FBLN5: variants seen among roughly 807,000 people sequenced by gnomAD.
FBLN5 encodes fibulin-5.
A neutral mutation model predicts 61.6 loss-of-function variants in FBLN5; 24 were observed. The observed-to-expected ratio is 0.39, with a 90% CI of 0.28 to 0.55. The LOEUF (loss-of-function observed/expected upper bound fraction) is 0.55, where lower values mean the gene tolerates loss of function less well. FBLN5 is among the 20% of genes least tolerant of loss of function. FBLN5 has a pLI of 0.65. For missense variants in FBLN5, 470 were observed against 594.1 expected, an observed-to-expected ratio of 0.79 and a Z score of 2.17; for synonymous variants, 213 against 219.8, an observed-to-expected ratio of 0.97 and a Z score of 0.27.
chr14:91,917,984 C>G (rs551873401), intron 4 of FBLN5, among the ~76,000 whole-genome samples: 11 of 152,272 alleles, frequency 7.2e-5, no homozygotes, highest in African/African-American at 2.6e-4. Context: ...AAGGACTAAG[C>G]CTCCCTCTGA....
intron 6 of FBLN5, among the ~76,000 whole-genome samples, chr14:91,887,902 G>T (rs1221184610): frequency 2.6e-5 from 4 of 152,206 alleles, no homozygotes; most frequent in Non-Finnish European, 5.9e-5. Context: ...CCATTATCTT[G>T]AGTGTGGTGG....
chr14:91,920,964 A>C (rs1356048322), intron 4 of FBLN5, among the ~76,000 whole-genome samples: 1 of 152,212 alleles, frequency 6.6e-6, no homozygotes, highest in Non-Finnish European at 1.5e-5. Flanking sequence ...TGTTCTTCTG[A>C]AGCCAAAGGC....
intron 1 of FBLN5, among the ~76,000 whole-genome samples, chr14:91,944,955 G>A (rs1260261313): frequency 2.0e-5 from 3 of 152,226 alleles, no homozygotes; most frequent in Admixed American, 6.5e-5. Flanking sequence ...ATCAGGCTGG[G>A]CATGGTGGCT....
At chr14:91,892,169 C>T (rs138490092) in intron 5 of FBLN5, among the ~76,000 whole-genome samples, 1 of 152,324 alleles carries the variant, frequency 6.6e-6, no homozygotes, top group African/African-American at 2.4e-5. Flanking sequence ...CACTTCTCAA[C>T]ACCCCAAGCT....
chr14:91,940,461 T>G, intron 3 of FBLN5, 104 bp downstream of exon 3: 1 of 958,572 alleles, frequency 1.0e-6, no homozygotes, highest in Admixed American at 1.8e-5. Flanking sequence ...CACTGTATTC[T>G]CCCATGGGCA....
chr14:91,942,737 C>T (rs1261449279), intron 2 of FBLN5, among the ~76,000 whole-genome samples, 170 bp downstream of exon 2: 2 of 152,160 alleles, frequency 1.3e-5, no homozygotes, highest in Non-Finnish European at 2.9e-5. Context: ...GGCCAAGTCT[C>T]ACTTTCTCTG....
At chr14:91,918,318 A>G (rs2055661866) in intron 4 of FBLN5, among the ~76,000 whole-genome samples, 1 of 152,240 alleles carries the variant, frequency 6.6e-6, no homozygotes, top group South Asian at 2.1e-4. Context: ...ATTTGTGGGA[A>G]GGACCCCAGC....
chr14:91,946,805 A>T, intron 1 of FBLN5: 1 of 1,535,052 alleles, frequency 6.5e-7, no homozygotes, highest in Non-Finnish European at 8.7e-7. Context: ...CGCGGTGTTC[A>T]GCTAGCCTGT....
chr14:91,901,235 C>G (rs1890437426), intron 4 of FBLN5, among the ~76,000 whole-genome samples: 2 of 152,168 alleles, frequency 1.3e-5, no homozygotes, highest in African/African-American at 4.8e-5. Context: ...CAGGCAAGGT[C>G]TGACTTTGTG....
intron 8 of FBLN5, 87 bp from the exon 9 acceptor site, chr14:91,881,505 C>T (rs1316324795): frequency 1.4e-6 from 2 of 1,424,960 alleles, no homozygotes; most frequent in Non-Finnish European, 2.0e-6. Flanking sequence ...GATCTTACTA[C>T]AGAGCTGTAC....
At chr14:91,946,155 C>G (rs577912645) in intron 1 of FBLN5, among the ~76,000 whole-genome samples, 5 of 152,146 alleles carry the variant, frequency 3.3e-5, no homozygotes, top group Admixed American at 1.3e-4. Context: ...TCAAGCCCAG[C>G]CTCTTGGAAG....
chr14:91,925,698 C>T (rs548334763), intron 4 of FBLN5, among the ~76,000 whole-genome samples: 160 of 152,326 alleles, frequency 1.1e-3, no homozygotes, highest in African/African-American at 3.7e-3. Context: ...ACGTGGGTTT[C>T]TTTGCAAGTT....
intron 9 of FBLN5, among the ~76,000 whole-genome samples, chr14:91,879,488 T>C (rs572157013): frequency 7.2e-4 from 110 of 152,186 alleles, no homozygotes; most frequent in Middle Eastern, 3.4e-3. Flanking sequence ...TCACGGAGCA[T>C]TGTCAGCGTC....
intron 4 of FBLN5, among the ~76,000 whole-genome samples, chr14:91,898,233 C>T (rs1039945601): frequency 6.6e-6 from 1 of 151,980 alleles, no homozygotes; most frequent in Non-Finnish European, 1.5e-5. Flanking sequence ...AATCTCTCAC[C>T]TTTATAGCCT....
In FBLN5 at chr14:91,895,065, G is replaced by A. The variant is rs374542058; in HGVS notation, c.387C>T (p.Asp129=). The change falls in exon 5 of 11, where the codon GAC becomes GAT. Residue 129 remains aspartate (D), a synonymous_variant. Coordinates refer to ENST00000342058, the MANE Select transcript of FBLN5 (RefSeq NM_006329.4). ...MDESNQCVDV[D]ECATDSHQCN... is the part of the protein sequence containing the mutation. ...ACTGGTGGGAATCTGTTGCACACTC[G>A]TCCACATCTGTAATACAGACATAGT... 73 of 1,613,924 alleles carry A rather than the reference G, an allele frequency of 4.5e-5. No homozygotes were observed. In the East Asian group the frequency reaches 6.0e-4, roughly 13 times the overall value.
At chr14:91,904,346 A>G (rs1040979043) in intron 4 of FBLN5, among the ~76,000 whole-genome samples, 1 of 152,176 alleles carries the variant, frequency 6.6e-6, no homozygotes, top group Non-Finnish European at 1.5e-5. Context: ...CCCGTCTCTC[A>G]TTCCCAGAGG....
At chr14:91,941,117 T>G (rs6575223) in intron 2 of FBLN5, among the ~76,000 whole-genome samples, 16,019 of 152,166 alleles carry the variant, frequency 0.11, 1,157 homozygotes, top group African/African-American at 0.21. Flanking sequence ...AGACTGCTTT[T>G]AAGGGCAATG....
At chr14:91,906,546 T>C (rs1422356431) in intron 4 of FBLN5, among the ~76,000 whole-genome samples, 1 of 152,160 alleles carries the variant, frequency 6.6e-6, no homozygotes, top group Non-Finnish European at 1.5e-5. Flanking sequence ...CCATCACCCT[T>C]TGGACTTGGT....
chr14:91,895,095 A>T, intron 4 of FBLN5, 23 bp from the exon 5 acceptor site: 4 of 1,613,620 alleles, frequency 2.5e-6, no homozygotes, highest in Non-Finnish European at 3.4e-6. Flanking sequence ...CATAGTCCAA[A>T]GAATGTCACT....
Sources: gnomAD v4.1 joint callset for allele counts (sites outside exome capture counted in the v4.1 genomes callset) on GRCh38, gnomAD v4.1.1 for gene constraint, MANE v1.5 for transcripts, NCBI Gene and HGNC (gene_info 2026-07-23, HGNC 2026-07-21) for gene names.